ZFP91: variants seen among roughly 807,000 people sequenced by gnomAD.
The protein encoded by ZFP91 is E3 ubiquitin-protein ligase ZFP91.
A neutral mutation model predicts 63.5 loss-of-function variants in ZFP91; 7 were observed. That is an observed-to-expected ratio of 0.11 (90% CI 0.06 to 0.21). The LOEUF (loss-of-function observed/expected upper bound fraction) is 0.21, where lower values mean the gene tolerates loss of function less well. ZFP91 is among the 10% of genes least tolerant of loss of function. ZFP91 has a pLI of 1.00. For synonymous variants in ZFP91, 330 were observed against 272.1 expected (o/e 1.21, Z -2.10); for missense variants, 628 against 736.6 (o/e 0.85, Z 1.71).
chr11:58,610,210 A>G (rs960229520), intron 3 of ZFP91, 88 bp from the exon 4 acceptor site: 134 of 1,454,788 alleles, frequency 9.2e-5, no homozygotes, highest in Non-Finnish European at 1.1e-4. Context: ...TACCCCATGC[A>G]GTAATTTGAT....
At chr11:58,581,368 C>T (rs988711022) in intron 1 of ZFP91, among the ~76,000 whole-genome samples, 1 of 152,022 alleles carries the variant, frequency 6.6e-6, no homozygotes, top group Admixed American at 6.5e-5. Flanking sequence ...TGTTTAATTT[C>T]TTTTTTTGGA....
At chr11:58,613,370 T>G (rs952005780) in intron 8 of ZFP91, among the ~76,000 whole-genome samples, 2 of 152,144 alleles carry the variant, frequency 1.3e-5, no homozygotes, top group African/African-American at 4.8e-5. Context: ...GGTAGAGCCT[T>G]TAAGACCTAA....
chr11:58,584,752 T>C (rs934667682), intron 1 of ZFP91, 104 bp from the exon 2 acceptor site: 12 of 1,037,946 alleles, frequency 1.2e-5, no homozygotes, highest in African/African-American at 5.1e-5. Flanking sequence ...AACACTAGTC[T>C]AGATGCTTTC....
At chr11:58,586,930 T>C (rs751359784) in intron 2 of ZFP91, among the ~76,000 whole-genome samples, 1 of 152,180 alleles carries the variant, frequency 6.6e-6, no homozygotes, top group Non-Finnish European at 1.5e-5. Flanking sequence ...TGAAAAGATA[T>C]CTTCAGGATT....
rs1209895509 is a variant in ZFP91 at position 58,619,543 on chromosome 11, T to C, written c.*1837T>C. ...ATGGCTTATCAATTTTTTCAAAGAA[T>C]TCTTTTTTCCCAAAAAGAGGAGTAA... On this transcript the variant is annotated 3_prime_UTR_variant, in exon 11 of 11. Transcript: ENST00000316059. The C allele has an allele frequency of 1.3e-5, 2 of 152,424 alleles. No individual in the cohort carries two copies. Among genetic ancestry groups the C allele is most frequent in the African/African-American group, 4.8e-5 (2 of 41,396 alleles). 9.4% of individuals were successfully genotyped at this position (152,424 alleles called of 1,614,324 possible).
chr11:58,579,476 C>CGCA lies in ZFP91; in HGVS notation c.198_200dup (p.Ala67dup), dbSNP rs2134381194. ...GCCGGGCCGCTGCGGCCGCCGCCGC[C>CGCA]GCAGCTGTGTCCCGCCGGAGGAAGG... On this transcript the variant is annotated inframe_insertion, in exon 1 of 11. Transcript: ENST00000316059. The CGCA allele has an allele frequency of 3.3e-6, 5 of 1,495,008 alleles. No individual in the cohort carries two copies. The highest frequency in any genetic ancestry group is 1.3e-5 in the South Asian group (1 of 79,400). The allele number at this position is 1,495,008 out of a possible 1,614,324, so 92.6% of individuals were successfully genotyped here.
intron 2 of ZFP91, among the ~76,000 whole-genome samples, chr11:58,601,609 AT>A (rs1236670108): frequency 0.023 from 3,211 of 141,640 alleles, 73 homozygotes; most frequent in African/African-American, 0.059. Flanking sequence ...CAGGCATGTG[AT>A]TTTTTTTTTT....
rs1292966543 is a variant in ZFP91 at position 58,620,083 on chromosome 11, CTAGT to C, written c.*2383_*2386del. 4 of 152,202 alleles carry C rather than the reference CTAGT, an allele frequency of 2.6e-5. No homozygotes were observed. Among genetic ancestry groups the C allele is most frequent in the East Asian group, 1.9e-4 (1 of 5,200 alleles). 9.4% of individuals were successfully genotyped at this position (152,202 alleles called of 1,614,324 possible). A position where few individuals can be genotyped will look rare whatever the true frequency, so the allele number is the denominator to read the frequency against. ...TACCGCTCTCCCAACAAAAAAACAA[CTAGT>C]TAGTTCTACTAATTAGAAACTTGCT... On this transcript the variant is annotated 3_prime_UTR_variant, in exon 11 of 11. Coordinates refer to ENST00000316059, the MANE Select transcript of ZFP91 (RefSeq NM_053023.5).
At chr11:58,579,907 G>A (rs1040066813) in intron 1 of ZFP91, among the ~76,000 whole-genome samples, 1 of 151,900 alleles carries the variant, frequency 6.6e-6, no homozygotes, top group Admixed American at 6.6e-5. Flanking sequence ...CCTGACACCC[G>A]CAGGCTCATC....
chr11:58,608,575 C>G (rs1019923166), intron 2 of ZFP91, among the ~76,000 whole-genome samples: 1 of 151,948 alleles, frequency 6.6e-6, no homozygotes, highest in Non-Finnish European at 1.5e-5. Context: ...GTCTCTTGTT[C>G]TGAGTGGATT....
At chr11:58,611,093 A>T (rs1855653418) in intron 5 of ZFP91, 39 bp downstream of exon 5, 1 of 1,580,264 alleles carries the variant, frequency 6.3e-7, no homozygotes, top group Non-Finnish European at 8.7e-7. Flanking sequence ...TTAATGAAAT[A>T]TAAGTAGGAA....
At chr11:58,585,634 C>A (rs187656148) in intron 2 of ZFP91, among the ~76,000 whole-genome samples, 1 of 152,116 alleles carries the variant, frequency 6.6e-6, no homozygotes, top group African/African-American at 2.4e-5. Context: ...TTCCAAACTC[C>A]TAGAATCCAC....
intron 5 of ZFP91, 90 bp from the exon 6 acceptor site, chr11:58,611,514 A>C: frequency 1.4e-6 from 2 of 1,471,538 alleles, no homozygotes; most frequent in East Asian, 4.6e-5. Flanking sequence ...TTTTATAACA[A>C]ATCAGTGATA....
rs577883097 is a variant in ZFP91, at chr11:58,618,585, T to C, written c.*879T>C. 2.8e-4 allele frequency: 117 copies of C among 415,330 alleles called. 2 individuals are homozygous for C. The highest frequency in any genetic ancestry group is 1.5e-3 in the South Asian group (88 of 57,688). The allele number at this position is 415,330 out of a possible 1,614,324, so 25.7% of individuals were successfully genotyped here. A position where few individuals can be genotyped will look rare whatever the true frequency, so the allele number is the denominator to read the frequency against. ...ATTAACAGGAAGTCTGATTTTTTTT[T>C]TTTGGAGTCTTTGTTGCTATATTTT... On this transcript the variant is annotated 3_prime_UTR_variant, in exon 11 of 11. Transcript: ENST00000316059.
intron 5 of ZFP91, 122 bp from the exon 6 acceptor site, chr11:58,611,482 T>A (rs950071549): frequency 7.9e-6 from 10 of 1,267,678 alleles, no homozygotes; most frequent in Non-Finnish European, 1.1e-5. Context: ...GGAAATCACA[T>A]TTCATGAACT....
At chr11:58,594,370 A>G (rs957433486) in intron 2 of ZFP91, among the ~76,000 whole-genome samples, 1 of 152,220 alleles carries the variant, frequency 6.6e-6, no homozygotes, top group Non-Finnish European at 1.5e-5. Context: ...ATGTTGAGCT[A>G]ATTCTTAGCT....
intron 4 of ZFP91, 135 bp from the exon 5 acceptor site, chr11:58,610,815 C>G (rs1034336487): frequency 6.2e-6 from 4 of 644,480 alleles, no homozygotes; most frequent in Non-Finnish European, 7.5e-6. Flanking sequence ...GATTTCAGTC[C>G]AATTAGGTCA....
chr11:58,587,573 A>G (rs1168973974), intron 2 of ZFP91, among the ~76,000 whole-genome samples: 1 of 152,188 alleles, frequency 6.6e-6, no homozygotes, highest in Non-Finnish European at 1.5e-5. Context: ...GGAGTTTCCA[A>G]GAGTGTTAGT....
chr11:58,579,368 C>G lies in ZFP91; in HGVS notation c.87C>G (p.Pro29=). Residue 29 remains proline (P), a synonymous_variant, in exon 1 of 11, where the codon CCC becomes CCG. Transcript: ENST00000316059. ...CGGCCAAGGCGGCTCCGGAGGAGCC[C>G]CAACAACGGCCCCCTGAGGCGGTCG... is the stretch of plus-strand genomic sequence containing the variant. ...GEAAKAAPEE[P]QQRPPEAVAA... 6.7e-7 allele frequency: 1 copy of G among 1,491,252 alleles called. No individual in the cohort carries two copies. The allele number at this position is 1,491,252 out of a possible 1,614,324, so 92.4% of individuals were successfully genotyped here. A position where few individuals can be genotyped will look rare whatever the true frequency, so the allele number is the denominator to read the frequency against.
Sources: allele counts gnomAD v4.1 joint callset (sites outside exome capture counted in the v4.1 genomes callset), GRCh38; gene constraint gnomAD v4.1.1; transcripts MANE v1.5; gene names NCBI Gene and HGNC (gene_info 2026-07-23, HGNC 2026-07-21).